Variants in BRWD1 observed in about 807,000 individuals in gnomAD.
The protein encoded by BRWD1 is bromodomain and WD repeat domain containing 1, also known as bromodomain and WD repeat-containing protein 1.
A neutral mutation model predicts 251.2 loss-of-function variants in BRWD1; 82 were observed. That is an observed-to-expected ratio of 0.33 (90% CI 0.27 to 0.39). The LOEUF (loss-of-function observed/expected upper bound fraction) is 0.39, where lower values mean the gene tolerates loss of function less well. Among genes scored for constraint, BRWD1 ranks in the 10% least tolerant of loss-of-function variants. The pLI, the probability that BRWD1 is intolerant of heterozygous loss-of-function variation, is 1.00. For synonymous variants in BRWD1, 918 were observed against 902.8 expected, an observed-to-expected ratio of 1.02 and a Z score of -0.30; for missense variants, 2,233 against 2,711.6, an observed-to-expected ratio of 0.82 and a Z score of 3.92.
At chr21:39,285,216 T>C (rs1391128483) in intron 8 of BRWD1, among the ~76,000 whole-genome samples, 1 of 152,216 alleles carries the variant, frequency 6.6e-6, no homozygotes, top group Non-Finnish European at 1.5e-5. Flanking sequence ...TTAAGTGAAA[T>C]AGCAAGGCAC....
chr21:39,232,182 G>A lies in BRWD1; in HGVS notation c.2995C>T (p.Leu999Phe). Reference protein sequence around the residue: ...PNKEPWRKMDLRDQELVKIVG... With the variant: ...PNKEPWRKMDFRDQELVKIVG... ...TAATAATGCCATCATCCTACCCTAA[G>A]ATCCATTTTTCTCCATGGCTCCTTA... The change falls in exon 25 of 41, where the codon CTT (leucine) becomes TTT (phenylalanine). Residue 999 changes from leucine (L) to phenylalanine (F), a missense_variant. This residue lies in a region of BRWD1 where 139 missense variants were observed against 272.8 expected (regional missense o/e 0.51). Coordinates refer to ENST00000342449, the MANE Select transcript of BRWD1 (RefSeq NM_033656.4). The A allele has an allele frequency of 6.3e-7, 1 of 1,599,016 alleles. No homozygotes were observed.
chr21:39,213,102 T>G (rs1301984087), intron 33 of BRWD1, among the ~76,000 whole-genome samples: 1 of 152,150 alleles, frequency 6.6e-6, no homozygotes, highest in African/African-American at 2.4e-5. Flanking sequence ...CTAACTTTTT[T>G]ATTTATTGTA....
intron 21 of BRWD1, 114 bp from the exon 22 acceptor site, chr21:39,238,687 ACAGTAAT>A: frequency 1.5e-6 from 1 of 679,196 alleles, no homozygotes; most frequent in Non-Finnish European, 2.6e-6. Context: ...AGAAAAATGA[ACAGTAAT>A]CAGTAAATAT....
At chr21:39,286,313 C>T (rs2035638245) in intron 8 of BRWD1, among the ~76,000 whole-genome samples, 1 of 151,968 alleles carries the variant, frequency 6.6e-6, no homozygotes, top group Admixed American at 6.6e-5. Context: ...CCACCGCGCC[C>T]GGCCCATATG....
chr21:39,308,631 A>T (rs547282960), intron 4 of BRWD1, among the ~76,000 whole-genome samples: 187 of 152,260 alleles, frequency 1.2e-3, no homozygotes, highest in African/African-American at 4.2e-3. Context: ...TAAAATACTG[A>T]TGTCCAGTCC....
At chr21:39,307,559 G>T (rs1317429555) in intron 4 of BRWD1, among the ~76,000 whole-genome samples, 2 of 151,984 alleles carry the variant, frequency 1.3e-5, no homozygotes, top group Admixed American at 6.6e-5. Context: ...ACCTTCCTGG[G>T]TTATGACTTA....
In BRWD1 at chr21:39,186,806, C is replaced by T. The variant is rs559099476; in HGVS notation, c.*9453G>A. On this transcript the variant is annotated 3_prime_UTR_variant, in exon 41 of 41. Coordinates refer to ENST00000342449, the MANE Select transcript of BRWD1 (RefSeq NM_033656.4). ...GGCCATTTGTCTTTTCTTTCCACCT[C>T]TCCACCTACAGACTCTGCAATTTAT... is the stretch of plus-strand genomic sequence containing the variant. 79 of 609,110 alleles carry T rather than the reference C, an allele frequency of 1.3e-4. 1 individual carries two copies. The highest frequency in any genetic ancestry group is 1.0e-3 in the African/African-American group (54 of 51,694). 37.7% of individuals were successfully genotyped at this position (609,110 alleles called of 1,614,324 possible). A position where few individuals can be genotyped will look rare whatever the true frequency, so the allele number is the denominator to read the frequency against.
Position 39,191,063 on chromosome 21 carries a change from C to A in BRWD1, c.*5196G>T. 1.0e-6 allele frequency: 1 copy of A among 985,182 alleles called. No individual in the cohort carries two copies. Among genetic ancestry groups the A allele is most frequent in the Non-Finnish European group, 1.2e-6 (1 of 829,742 alleles). 61.0% of individuals were successfully genotyped at this position (985,182 alleles called of 1,614,324 possible). A position where few individuals can be genotyped will look rare whatever the true frequency, so the allele number is the denominator to read the frequency against. ...GAAATATGAATTCAGGGACTTTATA[C>A]TTAACTGCTTAATTTGCTTTTTAGA... is the stretch of plus-strand genomic sequence containing the variant. On this transcript the variant is annotated 3_prime_UTR_variant, in exon 41 of 41. Transcript: ENST00000342449.
chr21:39,200,714 G>A (rs561980246), intron 38 of BRWD1, among the ~76,000 whole-genome samples: 4 of 152,288 alleles, frequency 2.6e-5, no homozygotes, highest in East Asian at 3.9e-4. Flanking sequence ...GGCCGGGCAC[G>A]GTGACTCACT....
chr21:39,269,427 CAA>C (rs2035032677), intron 15 of BRWD1, among the ~76,000 whole-genome samples: 1 of 151,650 alleles, frequency 6.6e-6, no homozygotes, highest in Non-Finnish European at 1.5e-5. Context: ...CTCAGCCTCC[CAA>C]AGTGTTAGGA....
At chr21:39,305,848 G>A (rs1465919940) in intron 4 of BRWD1, among the ~76,000 whole-genome samples, 3 of 137,768 alleles carry the variant, frequency 2.2e-5, no homozygotes, top group Non-Finnish European at 3.1e-5. Context: ...TGGCGACGGT[G>A]CAAGACTGTC....
At chr21:39,273,430 A>C (rs1372190296) in intron 13 of BRWD1, among the ~76,000 whole-genome samples, 1 of 152,236 alleles carries the variant, frequency 6.6e-6, no homozygotes, top group Non-Finnish European at 1.5e-5. Context: ...TTTATTTTGA[A>C]AATGCAATAC....
chr21:39,212,625 G>A, intron 34 of BRWD1, 41 bp downstream of exon 34: 1 of 1,454,360 alleles, frequency 6.9e-7, no homozygotes, highest in South Asian at 1.2e-5. Context: ...TTAAAACAAA[G>A]AAAAAGAAAC....
At chr21:39,285,331 G>T (rs958105288) in intron 8 of BRWD1, among the ~76,000 whole-genome samples, 1 of 152,050 alleles carries the variant, frequency 6.6e-6, no homozygotes, top group Non-Finnish European at 1.5e-5. Context: ...TATGGGGGAA[G>T]GGGGGGACCA....
intron 13 of BRWD1, among the ~76,000 whole-genome samples, chr21:39,273,578 C>T (rs1042664636): frequency 2.0e-5 from 3 of 151,946 alleles, no homozygotes; most frequent in Admixed American, 1.3e-4. Context: ...AAAAAATAAA[C>T]ATAAAAATTA....
chr21:39,264,892 T>C lies in BRWD1; in HGVS notation c.1658A>G (p.Lys553Arg). 6.2e-7 allele frequency: 1 copy of C among 1,609,756 alleles called. No individual in the cohort carries two copies. Among genetic ancestry groups the C allele is most frequent in the Non-Finnish European group, 8.5e-7 (1 of 1,178,942 alleles). ...FGFGCSKPYE[K>R]IPDQMFFHTD... The stretch of plus-strand genomic sequence containing the variant: ...CTACAACAAAGTATTAAAAATGACC[T>C]TTTCATATGGTTTGCTGCATCCAAA... Residue 553 changes from lysine (K) to arginine (R), a missense_variant and splice_region_variant, in exon 16 of 41, where the codon AAG becomes AGG. Physicochemically the swap from Lys to Arg is conservative, Grantham distance 26. Coordinates refer to ENST00000342449, the MANE Select transcript of BRWD1 (RefSeq NM_033656.4).
intron 1 of BRWD1, 59 bp from the exon 2 acceptor site, chr21:39,313,358 A>AGCC: frequency 6.8e-7 from 1 of 1,462,810 alleles, no homozygotes; most frequent in Non-Finnish European, 9.2e-7. Flanking sequence ...GGACGGGGCC[A>AGCC]GGGGAGCCGG....
intron 15 of BRWD1, among the ~76,000 whole-genome samples, chr21:39,267,399 T>C (rs907659695): frequency 2.0e-5 from 3 of 151,948 alleles, no homozygotes; most frequent in Middle Eastern, 3.2e-3. Flanking sequence ...ATCGAGACCA[T>C]CCTGGCTAAC....
chr21:39,210,577 A>C (rs1208866972), intron 35 of BRWD1, among the ~76,000 whole-genome samples: 2 of 152,176 alleles, frequency 1.3e-5, no homozygotes, highest in Admixed American at 6.5e-5. Flanking sequence ...CTGATTATCT[A>C]AGTCTAAATT....
Sources: allele counts gnomAD v4.1 joint callset (sites outside exome capture counted in the v4.1 genomes callset), GRCh38; gene constraint gnomAD v4.1.1; regional missense constraint gnomAD v4.1.1; transcripts MANE v1.5; gene names NCBI Gene and HGNC (gene_info 2026-07-23, HGNC 2026-07-21).